Variants in TAF3 observed in about 807,000 individuals in gnomAD.
TAF3 encodes transcription initiation factor TFIID subunit 3.
TAF3 carries 7 observed loss-of-function variants against 80.6 expected under a neutral mutation model. That is an observed-to-expected ratio of 0.09 (90% CI 0.05 to 0.16). TAF3 has a LOEUF of 0.16. Among genes scored for constraint, TAF3 ranks in the 10% least tolerant of loss-of-function variants. The probability of loss-of-function intolerance (pLI) is 1.00; values close to 1 mark genes in which losing one functional copy is unlikely to be tolerated. For missense variants in TAF3, 921 were observed against 1,140.2 expected (o/e 0.81, Z 2.77); for synonymous variants, 444 against 446.1 (o/e 1.00, Z 0.06).
At chr10:7,979,353 A>G (rs1308090978) in intron 4 of TAF3, among the ~76,000 whole-genome samples, 1 of 99,730 alleles carries the variant, frequency 1.0e-5, no homozygotes, top group East Asian at 3.1e-4. Flanking sequence ...CAAAAAATGA[A>G]AAAAAAATGA....
chr10:8,006,920 TTTC>T (rs1230479725), intron 4 of TAF3, among the ~76,000 whole-genome samples: 1 of 152,200 alleles, frequency 6.6e-6, no homozygotes, highest in Non-Finnish European at 1.5e-5. Context: ...GGCCACTGCA[TTTC>T]TTTTCACTTT....
chr10:7,984,559 T>C (rs1479258015), intron 4 of TAF3, among the ~76,000 whole-genome samples: 1 of 152,214 alleles, frequency 6.6e-6, no homozygotes, highest in Non-Finnish European at 1.5e-5. Flanking sequence ...AATAAATTGT[T>C]TTATTTAATT....
chr10:7,831,169 C>G (rs1202120023), intron 2 of TAF3, among the ~76,000 whole-genome samples: 1 of 152,108 alleles, frequency 6.6e-6, no homozygotes, highest in Non-Finnish European at 1.5e-5. Flanking sequence ...TATTTAGTAA[C>G]TTAATGGCAT....
At chr10:7,973,451 C>A (rs1255505772) in intron 3 of TAF3, among the ~76,000 whole-genome samples, 1 of 152,178 alleles carries the variant, frequency 6.6e-6, no homozygotes, top group African/African-American at 2.4e-5. Flanking sequence ...ATAAGAACTT[C>A]ATATAATTTT....
intron 4 of TAF3, among the ~76,000 whole-genome samples, chr10:7,998,463 ATCTGTT>A (rs1486726689): frequency 1.3e-5 from 2 of 152,076 alleles, no homozygotes; most frequent in Admixed American, 6.6e-5. Context: ...TTGGTCAACA[ATCTGTT>A]TCTATCTGTT....
intron 2 of TAF3, among the ~76,000 whole-genome samples, chr10:7,955,141 G>A (rs779991090): frequency 8.5e-5 from 13 of 152,178 alleles, no homozygotes; most frequent in Admixed American, 5.9e-4. Context: ...AAATTCAGAC[G>A]AATAGAAAGG....
chr10:7,966,464 T>C lies in TAF3; in HGVS notation c.2232+722T>C, dbSNP rs115890127. On this transcript the variant is annotated intron_variant, in intron 3 of 6. Coordinates refer to ENST00000344293, the MANE Select transcript of TAF3 (RefSeq NM_031923.4). ...TAGAAACCCCGCAGTTTTGTAGGCA[T>C]TGGGGCCTCAGTCCTCAGGCTGTGA... Among the ~76,000 whole-genome samples the C allele has an allele frequency of 5.7e-3, 863 of 152,338 alleles. 6 individuals are homozygous for C. The highest frequency in any genetic ancestry group is 0.019 in the African/African-American group (807 of 41,578).
At chr10:7,934,024 A>T (rs2131199648) in intron 2 of TAF3, among the ~76,000 whole-genome samples, 1 of 152,304 alleles carries the variant, frequency 6.6e-6, no homozygotes, top group East Asian at 1.9e-4. Flanking sequence ...AATCCCAGAG[A>T]TGCTCATTGA....
intron 2 of TAF3, among the ~76,000 whole-genome samples, chr10:7,873,867 A>G (rs1302250611): frequency 6.6e-6 from 1 of 152,226 alleles, no homozygotes; most frequent in African/African-American, 2.4e-5. Context: ...TGAGACTGAA[A>G]CAAATGTTGA....
intron 1 of TAF3, among the ~76,000 whole-genome samples, chr10:7,821,548 G>A (rs1358870115): frequency 6.6e-6 from 1 of 152,190 alleles, no homozygotes; most frequent in African/African-American, 2.4e-5. Flanking sequence ...GTTAAAGCAA[G>A]TATTAGAAGT....
chr10:7,953,458 C>G (rs1307554130), intron 2 of TAF3, among the ~76,000 whole-genome samples: 10 of 152,116 alleles, frequency 6.6e-5, no homozygotes, highest in African/African-American at 2.4e-4. Context: ...TGGAGGAGGT[C>G]AGATGTCAGT....
chr10:7,895,306 C>T (rs978966936), intron 2 of TAF3, among the ~76,000 whole-genome samples: 1 of 152,176 alleles, frequency 6.6e-6, no homozygotes, highest in Non-Finnish European at 1.5e-5. Context: ...CTGGAAAATC[C>T]TTTGCTGTAT....
intron 3 of TAF3, among the ~76,000 whole-genome samples, chr10:7,967,076 T>G (rs1831577916): frequency 6.6e-6 from 1 of 152,204 alleles, no homozygotes; most frequent in Non-Finnish European, 1.5e-5. Context: ...GGTATTATCA[T>G]CGATATTTAT....
At chr10:7,899,562 C>T (rs1316106984) in intron 2 of TAF3, among the ~76,000 whole-genome samples, 1 of 152,164 alleles carries the variant, frequency 6.6e-6, no homozygotes, top group African/African-American at 2.4e-5. Flanking sequence ...ATTTATATTC[C>T]ATGTGCAGCT....
chr10:7,942,546 A>G (rs1837985496), intron 2 of TAF3, among the ~76,000 whole-genome samples: 1 of 152,232 alleles, frequency 6.6e-6, no homozygotes, highest in Non-Finnish European at 1.5e-5. Flanking sequence ...TCTGAAACAA[A>G]ATCCGCTGGG....
intron 3 of TAF3, among the ~76,000 whole-genome samples, chr10:7,973,409 G>A (rs948035225): frequency 6.6e-6 from 1 of 152,194 alleles, no homozygotes; most frequent in African/African-American, 2.4e-5. Flanking sequence ...ACTGATGACT[G>A]TGTAACCCTA....
chr10:7,955,041 T>C (rs1838122319), intron 2 of TAF3, among the ~76,000 whole-genome samples: 1 of 152,208 alleles, frequency 6.6e-6, no homozygotes. Context: ...GAGCTCTCCA[T>C]AGTGAGATTC....
At chr10:7,895,379 G>A (rs943357017) in intron 2 of TAF3, among the ~76,000 whole-genome samples, 1 of 152,112 alleles carries the variant, frequency 6.6e-6, no homozygotes, top group Non-Finnish European at 1.5e-5. Context: ...TTTCTCTTCT[G>A]AAGCCAGCAG....
chr10:7,990,506 G>A (rs1051989325), intron 4 of TAF3, among the ~76,000 whole-genome samples: 2 of 151,986 alleles, frequency 1.3e-5, no homozygotes, highest in African/African-American at 2.4e-5. Context: ...CTTTTTTCTC[G>A]CCTTGCTAGC....
Sources: gnomAD v4.1 joint callset for allele counts (sites outside exome capture counted in the v4.1 genomes callset) on GRCh38, gnomAD v4.1.1 for gene constraint, MANE v1.5 for transcripts, NCBI Gene and HGNC (gene_info 2026-07-23, HGNC 2026-07-21) for gene names.